Variants in CAMSAP3 observed in about 807,000 individuals in gnomAD.
CAMSAP3 encodes calmodulin-regulated spectrin-associated protein 3.
In CAMSAP3, 34 loss-of-function variants were observed where a neutral mutation model predicts 112.5. The ratio of observed to expected loss-of-function variants is 0.30; its 90% CI spans 0.23 to 0.40. The LOEUF (loss-of-function observed/expected upper bound fraction) is 0.40, where lower values mean the gene tolerates loss of function less well. CAMSAP3 is among the 10% of genes least tolerant of loss of function. CAMSAP3 has a pLI of 1.00. For synonymous variants in CAMSAP3, 868 were observed against 799.8 expected, an observed-to-expected ratio of 1.09 and a Z score of -1.44; for missense variants, 1,602 against 1,770.3, an observed-to-expected ratio of 0.90 and a Z score of 1.71.
intron 11 of CAMSAP3, among the ~76,000 whole-genome samples, chr19:7,613,599 G>C (rs1003934088): frequency 2.0e-5 from 3 of 151,880 alleles, no homozygotes; most frequent in Admixed American, 1.3e-4. Context: ...GGTATGGGTG[G>C]CCGGACAAGG....
At chr19:7,616,327 C>G in intron 13 of CAMSAP3, 196 bp from the exon 14 acceptor site, 1 of 563,490 alleles carries the variant, frequency 1.8e-6, no homozygotes, top group Non-Finnish European at 3.2e-6. Context: ...AGGGGCTGAC[C>G]CAGTGCTGCT....
Position 7,605,317 on chromosome 19 carries a change from A to G in CAMSAP3, c.240A>G (p.Ser80=). 2.5e-6 allele frequency: 4 copies of G among 1,610,802 alleles called. No homozygotes were observed. The South Asian group carries it at 4.4e-5, about 18-fold the overall frequency. The change falls in exon 2 of 17, where the codon TCA becomes TCG. Residue 80 remains serine (S), a synonymous_variant. Transcript: ENST00000160298. ...VKPPVTRLLL[S]AELYCRAWRQ... is the part of the protein sequence containing the mutation. Reference sequence around the variant, plus strand: ...CCCCGGTGACACGGCTGCTGCTCTCAGCCGAGCTCTACTGCAGAGCCTGGC... The same window carrying G: ...CCCCGGTGACACGGCTGCTGCTCTCGGCCGAGCTCTACTGCAGAGCCTGGC...
chr19:7,606,838 T>C (rs754683583), intron 4 of CAMSAP3: 6 of 1,612,160 alleles, frequency 3.7e-6, no homozygotes, highest in Non-Finnish European at 4.2e-6. Context: ...CCGCCCCGTC[T>C]GCCTGCCCTG....
chr19:7,615,461 G>A lies in CAMSAP3; in HGVS notation c.2854G>A (p.Ala952Thr), dbSNP rs953236633. The A allele has an allele frequency of 1.4e-5, 21 of 1,540,824 alleles. No homozygotes were observed. The highest frequency in any genetic ancestry group is 7.9e-5 in the Admixed American group (4 of 50,792). The change falls in exon 13 of 17, where the codon GCA becomes ACA. Residue 952 changes from alanine to threonine, a missense_variant. Physicochemically the swap from Ala to Thr is moderately conservative, Grantham distance 58. This residue lies in a region of CAMSAP3 where 1,100 missense variants were observed against 1,135.7 expected (regional missense o/e 0.97). Transcript: ENST00000160298. The surrounding 1 kb of genome is among the most constrained non-coding windows in gnomAD (Gnocchi z 6.5). ...CCCGGGCCCAGCCCCGCTTGTGTCC[G>A]CAGTCCCGATGGCGACTCCAGCCCC... ...EAPGPAPLVS[A>T]VPMATPAPAA...
chr19:7,615,332 G>C lies in CAMSAP3; in HGVS notation c.2810+10G>C. On this transcript the variant is annotated intron_variant, in intron 12 of 16. Coordinates refer to ENST00000160298, the MANE Select transcript of CAMSAP3 (RefSeq NM_020902.2). The surrounding 1 kb of genome is among the most constrained non-coding windows in gnomAD (Gnocchi z 6.5). ...GGGAGGAGGCCGCGAGGTGAGGCCGGGCCTGCCCGGGACGCCCGCTCCTTG... is the reference window on the plus strand; with the variant it reads ...GGGAGGAGGCCGCGAGGTGAGGCCGCGCCTGCCCGGGACGCCCGCTCCTTG... The C allele has an allele frequency of 1.2e-5, 18 of 1,541,082 alleles. No individual in the cohort carries two copies. The highest frequency in any genetic ancestry group is 1.6e-5 in the Non-Finnish European group (18 of 1,141,074).
chr19:7,614,259 CAAAAA>C (rs1173068955), intron 11 of CAMSAP3, among the ~76,000 whole-genome samples: 9 of 18,764 alleles, frequency 4.8e-4, no homozygotes, highest in Admixed American at 1.4e-3. Flanking sequence ...GACTCCATCT[CAAAAA>C]AAAAAAAAAA....
chr19:7,608,238 A>G lies in CAMSAP3; in HGVS notation c.734A>G (p.Tyr245Cys), dbSNP rs1175504140. 1.2e-6 allele frequency: 2 copies of G among 1,612,642 alleles called. No individual in the cohort carries two copies. Among genetic ancestry groups the G allele is most frequent in the Non-Finnish European group, 8.5e-7 (1 of 1,179,680 alleles). The change falls in exon 5 of 17, where the codon TAT (tyrosine) becomes TGT (cysteine). Residue 245 changes from tyrosine (Y) to cysteine (C), a missense_variant. Around this residue, in one of 6 missense-constraint regions of CAMSAP3, gnomAD observed 58 missense variants for 108.4 expected, o/e 0.54. Transcript: ENST00000160298. ...GCGCTGGCCGCCACCATCCACTGCT[A>G]TTGTCCCCAGCTGCTTCGACTTGAG... is the stretch of plus-strand genomic sequence containing the variant. Reference protein sequence around the residue: ...GAALAATIHCYCPQLLRLEEV... With the variant: ...GAALAATIHCCCPQLLRLEEV...
chr19:7,617,063 C>T lies in CAMSAP3; in HGVS notation c.3213-263C>T, dbSNP rs1205381531. 6.6e-6 allele frequency among the ~76,000 whole-genome samples: 1 copy of T among 150,872 alleles called. No individual in the cohort carries two copies. Among genetic ancestry groups the T allele is most frequent in the African/African-American group, 2.4e-5 (1 of 40,936 alleles). On this transcript the variant is annotated intron_variant, in intron 14 of 16. Coordinates refer to ENST00000160298, the MANE Select transcript of CAMSAP3 (RefSeq NM_020902.2). This position sits in a 1 kb window ranked among gnomAD's most constrained non-coding sequence, Gnocchi z 7.5. ...CCCTGGGTGCAAGTGATTCTCGTGC[C>T]TCAGCCTCCTGAGTAGCTGGGGTTA...
At position 7,605,177 on chromosome 19, in the gene CAMSAP3, T is replaced by TG. The variant is rs1555758282; in HGVS notation, c.149-49_149-48insG. On this transcript the variant is annotated intron_variant, in intron 1 of 16. Coordinates refer to ENST00000160298, the MANE Select transcript of CAMSAP3 (RefSeq NM_020902.2). ...GTGTGTGTGTGTGTGTGTGTGTGTGTTGTATCTGGTGACCCTGACCCCCGT... is the reference window on the plus strand; with the variant it reads ...GTGTGTGTGTGTGTGTGTGTGTGTGTGTGTATCTGGTGACCCTGACCCCCGT... The TG allele has an allele frequency of 3.7e-4, 483 of 1,297,018 alleles. 1 individual carries two copies. Among genetic ancestry groups the TG allele is most frequent in the Non-Finnish European group, 4.1e-4 (385 of 936,318 alleles). The allele number at this position is 1,297,018 out of a possible 1,614,324, so 80.3% of individuals were successfully genotyped here.
intron 1 of CAMSAP3, among the ~76,000 whole-genome samples, chr19:7,601,905 AAT>A (rs1022384094): frequency 4.6e-5 from 7 of 151,710 alleles, no homozygotes; most frequent in Admixed American, 2.6e-4. Context: ...CTCTACTAAA[AAT>A]ACAAAAAGTA....
chr19:7,606,751 C>T, intron 4 of CAMSAP3, 180 bp downstream of exon 4: 1 of 1,613,772 alleles, frequency 6.2e-7, no homozygotes, highest in Non-Finnish European at 8.5e-7. Flanking sequence ...TACCCGCTGC[C>T]CTCCTCTCTG....
At position 7,615,831 on chromosome 19, in the gene CAMSAP3, A is replaced by AG. The variant is rs1381561699; in HGVS notation, c.3112+117dup. On this transcript the variant is annotated intron_variant, in intron 13 of 16. Coordinates refer to ENST00000160298, the MANE Select transcript of CAMSAP3 (RefSeq NM_020902.2). The surrounding 1 kb of genome is among the most constrained non-coding windows in gnomAD (Gnocchi z 6.5). ...GGGAGATGTAAGCAGGGGTGCCGGGAGGGGGCGGGTATGTGGGGTGACAGG... is the reference window on the plus strand; with the variant it reads ...GGGAGATGTAAGCAGGGGTGCCGGGAGGGGGGCGGGTATGTGGGGTGACAGG... 3.3e-4 allele frequency: 1 copy of AG among 3,004 alleles called. No homozygotes were observed. Among genetic ancestry groups the AG allele is most frequent in the Non-Finnish European group, 5.6e-4 (1 of 1,782 alleles). The allele number at this position is 3,004 out of a possible 1,614,324, so 0.2% of individuals were successfully genotyped here.
intron 14 of CAMSAP3, among the ~76,000 whole-genome samples, chr19:7,616,946 T>TTG (rs1555763664): frequency 7.6e-6 from 1 of 130,948 alleles, no homozygotes; most frequent in Non-Finnish European, 1.7e-5. Flanking sequence ...TTTTTTTTTT[T>TTG]TTTTTTTTTT....
intron 1 of CAMSAP3, among the ~76,000 whole-genome samples, chr19:7,604,533 C>T: frequency 6.6e-6 from 1 of 152,166 alleles, no homozygotes; most frequent in East Asian, 1.9e-4. Context: ...CTACCTCCCT[C>T]TCTGTCCCTT....
At chr19:7,605,748 G>T (rs1322035105) in intron 2 of CAMSAP3, among the ~76,000 whole-genome samples, 2 of 150,556 alleles carry the variant, frequency 1.3e-5, no homozygotes, top group African/African-American at 2.5e-5. Flanking sequence ...ATTAAGCCTA[G>T]CTCCTATCAG....
At position 7,612,266 on chromosome 19, in the gene CAMSAP3, C is replaced by T; in HGVS notation, c.1773C>T (p.Ala591=). ...CGGGGTCCCCCACGTCCACTCCGGC[C>T]CCGCCGGAGGCCCTGAGCTCGGAGA... ...AGAGSPTSTP[A]PPEALSSEMS... Residue 591 remains alanine, a synonymous_variant, in exon 11 of 17, where the codon GCC becomes GCT. Coordinates refer to ENST00000160298, the MANE Select transcript of CAMSAP3 (RefSeq NM_020902.2). 15 of 1,593,690 alleles carry T rather than the reference C, an allele frequency of 9.4e-6. No individual in the cohort carries two copies. The highest frequency in any genetic ancestry group is 1.3e-5 in the Non-Finnish European group (15 of 1,170,806).
Position 7,611,288 on chromosome 19 carries a change from G to A in CAMSAP3, c.1123+120G>A. The A allele has an allele frequency of 2.8e-6, 3 of 1,071,476 alleles. No individual in the cohort carries two copies. Among genetic ancestry groups the A allele is most frequent in the Admixed American group, 2.1e-5 (1 of 48,342 alleles). The allele number at this position is 1,071,476 out of a possible 1,614,324, so 66.4% of individuals were successfully genotyped here. ...TAGCCTCTCCATCAGATCCCCCTTG[G>A]GCATCCCAAAGTGACCCCCAGAATG... On this transcript the variant is annotated intron_variant, in intron 9 of 16. Coordinates refer to ENST00000160298, the MANE Select transcript of CAMSAP3 (RefSeq NM_020902.2). This position sits in a 1 kb window ranked among gnomAD's most constrained non-coding sequence, Gnocchi z 6.9.
At position 7,610,826 on chromosome 19, in the gene CAMSAP3, G is replaced by A. The variant is rs745587097; in HGVS notation, c.994+33G>A. The A allele has an allele frequency of 6.2e-7, 1 of 1,610,548 alleles. No homozygotes were observed. The highest frequency in any genetic ancestry group is 1.7e-5 in the Admixed American group (1 of 59,986). On this transcript the variant is annotated intron_variant, in intron 7 of 16. Transcript: ENST00000160298. This position sits in a 1 kb window ranked among gnomAD's most constrained non-coding sequence, Gnocchi z 4.9. ...CCTGGGGGCCTGGGGGCCGGGTCGG[G>A]GGCGGGTGGGAGAGCCAAACCCCCG...
In CAMSAP3 at chr19:7,611,164, C is replaced by G. The variant is rs756043461; in HGVS notation, c.1119C>G (p.Ser373=). ...GCCCCCAGTCCCCACTCCGAGGATC[C>G]ACAGGTGAGGAGGGGGTAGGTGGCT... ...SGGPQSPLRG[S]TGSLKSSPSM... Residue 373 remains serine, a synonymous_variant, in exon 9 of 17, where the codon TCC becomes TCG. Transcript: ENST00000160298. This position sits in a 1 kb window ranked among gnomAD's most constrained non-coding sequence, Gnocchi z 6.9. 1.9e-6 allele frequency: 3 copies of G among 1,613,346 alleles called. No homozygotes were observed. The highest frequency in any genetic ancestry group is 2.5e-6 in the Non-Finnish European group (3 of 1,179,916).
Sources: allele counts gnomAD v4.1 joint callset (sites outside exome capture counted in the v4.1 genomes callset), GRCh38; gene constraint gnomAD v4.1.1; regional missense constraint gnomAD v4.1.1; non-coding constraint Gnocchi (gnomAD v3.1); transcripts MANE v1.5; gene names NCBI Gene and HGNC (gene_info 2026-07-23, HGNC 2026-07-21).